BAIAP2L1: variants seen among roughly 807,000 people sequenced by gnomAD.
BAIAP2L1 encodes the protein BAR/IMD domain-containing adapter protein 2-like 1.
In BAIAP2L1, 35 loss-of-function variants were observed where a neutral mutation model predicts 66.3. The observed-to-expected ratio is 0.53, with a 90% CI of 0.40 to 0.70. The LOEUF is 0.70. Ranked by LOEUF, BAIAP2L1 falls within the 30% of genes least tolerant of loss-of-function variation. The pLI is 0.00. For synonymous variants in BAIAP2L1, 269 were observed against 248.7 expected (o/e 1.08, Z -0.77); for missense variants, 622 against 656.9 (o/e 0.95, Z 0.58).
intron 3 of BAIAP2L1, among the ~76,000 whole-genome samples, chr7:98,326,589 T>C (rs1801385990): frequency 6.6e-6 from 1 of 152,110 alleles, no homozygotes; most frequent in Non-Finnish European, 1.5e-5. Flanking sequence ...AGTCACAAAT[T>C]ACAAGTCATG....
chr7:98,354,973 C>G, intron 3 of BAIAP2L1, 69 bp downstream of exon 3: 1 of 1,168,226 alleles, frequency 8.6e-7, no homozygotes. Flanking sequence ...ACTGGGCCAT[C>G]CCACGCGTTT....
intron 6 of BAIAP2L1, among the ~76,000 whole-genome samples, chr7:98,315,839 T>C (rs909261874): frequency 6.6e-6 from 1 of 152,194 alleles, no homozygotes; most frequent in Non-Finnish European, 1.5e-5. Context: ...GGGCTTGACA[T>C]TCCCACGGGG....
chr7:98,387,094 T>C (rs904062547), intron 1 of BAIAP2L1, among the ~76,000 whole-genome samples: 6 of 152,088 alleles, frequency 3.9e-5, no homozygotes, highest in Admixed American at 6.6e-5. Flanking sequence ...CTTCCCATAT[T>C]GAGACAAAAC....
chr7:98,353,869 G>A (rs954351660), intron 3 of BAIAP2L1, among the ~76,000 whole-genome samples: 6 of 150,678 alleles, frequency 4.0e-5, no homozygotes, highest in Non-Finnish European at 5.9e-5. Flanking sequence ...GGCTGAGGCA[G>A]GAGAATTGCT....
Position 98,297,560 on chromosome 7 carries a change from C to T in BAIAP2L1, c.1423-3449G>A, listed in dbSNP as rs546237773. Among the ~76,000 whole-genome samples, 9 of 152,344 alleles carry T rather than the reference C, an allele frequency of 5.9e-5. No individual in the cohort carries two copies. The South Asian group carries it at 1.7e-3, about 28-fold the overall frequency. On this transcript the variant is annotated intron_variant, in intron 12 of 13. Transcript: ENST00000005260. ...AGTTACTCGCAACAAAAGTGGCCCTCACTGACACCTGTCTTCAGTGTGAAA... is the reference window on the plus strand; with the variant it reads ...AGTTACTCGCAACAAAAGTGGCCCTTACTGACACCTGTCTTCAGTGTGAAA...
At position 98,315,476 on chromosome 7, in the gene BAIAP2L1, T is replaced by A; in HGVS notation, c.623A>T (p.His208Leu). The A allele has an allele frequency of 2.7e-6, 4 of 1,495,568 alleles. No homozygotes were observed. The highest frequency in any genetic ancestry group is 3.6e-6 in the Non-Finnish European group (4 of 1,117,678). 92.6% of individuals were successfully genotyped at this position (1,495,568 alleles called of 1,614,324 possible). ...CACACCCACCTGTAAGTGATAATAA[T>A]GTATGTGGTTTGCAAAGCCACAGTG... ...DKHCGFANHIHYYHLQSAELL... is the reference protein window; with the variant it reads ...DKHCGFANHILYYHLQSAELL... Residue 208 changes from histidine to leucine, a missense_variant, in exon 7 of 14, where the codon CAT (histidine) becomes CTT (leucine). His to Leu is a moderately conservative substitution (Grantham distance 99). Transcript: ENST00000005260.
At chr7:98,360,492 CT>C (rs1023682171) in intron 2 of BAIAP2L1, among the ~76,000 whole-genome samples, 1 of 152,156 alleles carries the variant, frequency 6.6e-6, no homozygotes. Flanking sequence ...CTGGAAATAC[CT>C]TCTGAAGTAT....
chr7:98,325,522 A>G (rs1040974557), intron 3 of BAIAP2L1, among the ~76,000 whole-genome samples: 1 of 151,996 alleles, frequency 6.6e-6, no homozygotes, highest in African/African-American at 2.4e-5. Flanking sequence ...TACTAAAAAT[A>G]CAAAAATTAG....
chr7:98,389,651 C>G (rs1802979479), intron 1 of BAIAP2L1, among the ~76,000 whole-genome samples: 1 of 152,076 alleles, frequency 6.6e-6, no homozygotes. Flanking sequence ...ATACTTTTGA[C>G]AGGTTATTAC....
intron 1 of BAIAP2L1, among the ~76,000 whole-genome samples, chr7:98,376,150 G>A (rs2107718): frequency 0.16 from 24,463 of 151,926 alleles, 2,320 homozygotes; most frequent in Admixed American, 0.21. Context: ...ACTTCTACAC[G>A]GTATCCCTTT....
intron 3 of BAIAP2L1, among the ~76,000 whole-genome samples, chr7:98,338,301 G>A (rs1266586958): frequency 6.6e-6 from 1 of 151,716 alleles, no homozygotes; most frequent in Non-Finnish European, 1.5e-5. Flanking sequence ...GGGCGCCTGT[G>A]GTCCCAGCTA....
intron 1 of BAIAP2L1, among the ~76,000 whole-genome samples, chr7:98,391,298 T>G (rs1178894625): frequency 3.3e-5 from 5 of 152,166 alleles, no homozygotes; most frequent in African/African-American, 4.8e-5. Flanking sequence ...TGGTAATATT[T>G]TTTCTTCTAT....
intron 2 of BAIAP2L1, 48 bp downstream of exon 2, chr7:98,362,309 A>G (rs772948206): frequency 2.0e-5 from 28 of 1,382,256 alleles, no homozygotes; most frequent in Non-Finnish European, 2.7e-5. Context: ...ATAATTACAT[A>G]TTTACTGAGT....
chr7:98,376,693 G>A (rs1802641076), intron 1 of BAIAP2L1, among the ~76,000 whole-genome samples: 1 of 150,728 alleles, frequency 6.6e-6, no homozygotes, highest in Non-Finnish European at 1.5e-5. Context: ...AAAGCTGGGT[G>A]TGGTGGCGCA....
At chr7:98,370,173 G>A (rs1187103090) in intron 1 of BAIAP2L1, among the ~76,000 whole-genome samples, 3 of 151,844 alleles carry the variant, frequency 2.0e-5, no homozygotes, top group East Asian at 3.9e-4. Context: ...TCAAGAGATC[G>A]AGACCATCCT....
At chr7:98,385,834 C>A in intron 1 of BAIAP2L1, 1 of 1,530,018 alleles carries the variant, frequency 6.5e-7, no homozygotes, top group East Asian at 2.2e-5. Context: ...TCCATCAGCT[C>A]GTTCAACTTT....
At chr7:98,380,014 A>C (rs1394187404) in intron 1 of BAIAP2L1, among the ~76,000 whole-genome samples, 3 of 152,210 alleles carry the variant, frequency 2.0e-5, no homozygotes, top group Admixed American at 2.0e-4. Flanking sequence ...ATTTACTAAC[A>C]ACCATTAAAT....
chr7:98,368,288 G>A (rs112404858), intron 1 of BAIAP2L1, among the ~76,000 whole-genome samples: 26 of 152,122 alleles, frequency 1.7e-4, no homozygotes, highest in African/African-American at 4.3e-4. Context: ...GCGTGGTGGC[G>A]TTTGCCTGTA....
chr7:98,304,098 G>C, intron 12 of BAIAP2L1, 98 bp downstream of exon 12: 1 of 1,292,198 alleles, frequency 7.7e-7, no homozygotes, highest in Non-Finnish European at 1.0e-6. Context: ...TCTCCCCCTG[G>C]GGACAGAGCA....
Sources: allele counts gnomAD v4.1 joint callset (sites outside exome capture counted in the v4.1 genomes callset), GRCh38; gene constraint gnomAD v4.1.1; transcripts MANE v1.5; gene names NCBI Gene and HGNC (gene_info 2026-07-23, HGNC 2026-07-21).